Variants in CLVS1 observed in about 807,000 individuals in gnomAD.
CLVS1 encodes clavesin-1.
In CLVS1, 10 loss-of-function variants were observed where a neutral mutation model predicts 33.1. That is an observed-to-expected ratio of 0.30 (90% CI 0.19 to 0.51). CLVS1 has a LOEUF of 0.51. Ranked by LOEUF, CLVS1 falls within the 20% of genes least tolerant of loss-of-function variation. CLVS1 has a pLI of 0.97. For synonymous variants in CLVS1, 163 were observed against 166.1 expected, an observed-to-expected ratio of 0.98 and a Z score of 0.14; for missense variants, 343 against 433.4, an observed-to-expected ratio of 0.79 and a Z score of 1.85.
At chr8:61,487,554 T>A (rs1290949819) in intron 5 of CLVS1, among the ~76,000 whole-genome samples, 2 of 152,214 alleles carry the variant, frequency 1.3e-5, no homozygotes, top group Non-Finnish European at 2.9e-5. Context: ...TTTTGGGGAT[T>A]CACTTTTGCT....
chr8:61,269,153 C>T (rs1809377630), intron 2 of CLVS1, among the ~76,000 whole-genome samples: 1 of 148,784 alleles, frequency 6.7e-6, no homozygotes, highest in African/African-American at 2.5e-5. Flanking sequence ...GGTTTTAGGT[C>T]TAACGTTTAA....
At chr8:61,047,236 G>C in the CLVS1 span, among the ~76,000 whole-genome samples, 17 of 152,186 alleles carry the variant, frequency 1.1e-4, no homozygotes, top group Non-Finnish European at 1.5e-4. Context: ...TCAGAGAAAT[G>C]CAAATCAAAA....
intron 5 of CLVS1, among the ~76,000 whole-genome samples, chr8:61,476,037 C>G (rs1586028195): frequency 6.6e-6 from 1 of 152,186 alleles, no homozygotes; most frequent in South Asian, 2.1e-4. Flanking sequence ...TTCCCAGCAC[C>G]ATTTATTAAA....
chr8:61,316,592 A>G (rs1411616559), intron 2 of CLVS1, among the ~76,000 whole-genome samples: 1 of 152,254 alleles, frequency 6.6e-6, no homozygotes, highest in Non-Finnish European at 1.5e-5. Context: ...ATTCTCATAG[A>G]AGAAAATAAT....
chr8:61,165,151 C>A (rs1020269141), intron 2 of CLVS1, among the ~76,000 whole-genome samples: 1 of 152,214 alleles, frequency 6.6e-6, no homozygotes, highest in African/African-American at 2.4e-5. Context: ...TTAGCCCCAT[C>A]GGGAGTGGCA....
the CLVS1 span, among the ~76,000 whole-genome samples, chr8:60,981,761 G>C: frequency 1.3e-5 from 2 of 152,230 alleles, no homozygotes; most frequent in Non-Finnish European, 2.9e-5. Context: ...GCCAGGGTGG[G>C]TGTGGAGTCC....
rs934444832 is a variant in CLVS1 at position 61,246,201 on chromosome 8, C to T, written c.-151-53476C>T. 1.2e-4 allele frequency among the ~76,000 whole-genome samples: 6 copies of T among 50,330 alleles called. No homozygotes were observed. In the East Asian group the frequency reaches 2.3e-3, roughly 19 times the overall value. The allele number at this position is 50,330 out of a possible 152,430, so 33.0% of individuals were successfully genotyped here. On this transcript the variant is annotated intron_variant, in intron 2 of 2. Transcript: ENST00000522621. ...TTTTTTTTTTTTTTTTTTTTTGAGACGGAGTCTCACTCTGTCACCAGGCTG... is the reference window on the plus strand; with the variant it reads ...TTTTTTTTTTTTTTTTTTTTTGAGATGGAGTCTCACTCTGTCACCAGGCTG...
chr8:61,216,915 T>C (rs1048407806), intron 2 of CLVS1, among the ~76,000 whole-genome samples: 3 of 152,314 alleles, frequency 2.0e-5, no homozygotes, highest in East Asian at 3.9e-4. Context: ...TATACATATA[T>C]TTTCCTTCTG....
At chr8:60,975,934 G>T in the CLVS1 span, among the ~76,000 whole-genome samples, 1 of 152,202 alleles carries the variant, frequency 6.6e-6, no homozygotes, top group Non-Finnish European at 1.5e-5. Context: ...GGAGCCAAGA[G>T]CTAAGTGAAG....
chr8:61,176,492 C>G (rs910871975), intron 2 of CLVS1, among the ~76,000 whole-genome samples: 1 of 152,110 alleles, frequency 6.6e-6, no homozygotes, highest in Admixed American at 6.5e-5. Context: ...TAGCTACTAT[C>G]AAGTATGATT....
At chr8:61,422,063 C>A (rs2129604661) in intron 3 of CLVS1, among the ~76,000 whole-genome samples, 1 of 151,198 alleles carries the variant, frequency 6.6e-6, no homozygotes, top group Non-Finnish European at 1.5e-5. Context: ...GATTCTACCT[C>A]AGTTCTGAGT....
the CLVS1 span, among the ~76,000 whole-genome samples, chr8:61,020,756 A>T: frequency 2.0e-5 from 3 of 152,228 alleles, no homozygotes; most frequent in African/African-American, 4.8e-5. Flanking sequence ...GGTGTCTGTC[A>T]CATCAAAGGC....
At chr8:61,233,716 G>T (rs1808495055) in intron 2 of CLVS1, among the ~76,000 whole-genome samples, 1 of 152,174 alleles carries the variant, frequency 6.6e-6, no homozygotes, top group Non-Finnish European at 1.5e-5. Context: ...TGCCCTCCTG[G>T]CTGGGAAAAG....
At chr8:61,441,645 G>A (rs1378795671) in intron 3 of CLVS1, among the ~76,000 whole-genome samples, 1 of 152,130 alleles carries the variant, frequency 6.6e-6, no homozygotes, top group Non-Finnish European at 1.5e-5. Context: ...TCATTATCCA[G>A]CAGAAACTGA....
chr8:61,089,829 G>A (rs1721552810), intron 1 of CLVS1, among the ~76,000 whole-genome samples: 1 of 152,198 alleles, frequency 6.6e-6, no homozygotes, highest in African/African-American at 2.4e-5. Flanking sequence ...GGCTGAGGCA[G>A]GAGGGTTGCT....
At chr8:61,224,951 A>C (rs1487765936) in intron 2 of CLVS1, among the ~76,000 whole-genome samples, 3 of 152,230 alleles carry the variant, frequency 2.0e-5, no homozygotes, top group Non-Finnish European at 4.4e-5. Flanking sequence ...TGTAGCTTTT[A>C]GAGAAATAGA....
intron 2 of CLVS1, among the ~76,000 whole-genome samples, chr8:61,301,427 GTCT>G (rs1379269266): frequency 6.6e-6 from 1 of 152,168 alleles, no homozygotes; most frequent in Non-Finnish European, 1.5e-5. Flanking sequence ...GAGGAAGGTA[GTCT>G]TCTTCTACTT....
intron 2 of CLVS1, among the ~76,000 whole-genome samples, chr8:61,270,224 G>C (rs578169489): frequency 2.0e-5 from 3 of 152,240 alleles, no homozygotes. Flanking sequence ...TTAGCATGAA[G>C]GGTTGTTGAA....
intron 1 of CLVS1, among the ~76,000 whole-genome samples, chr8:61,128,159 G>A (rs1380558765): frequency 6.6e-6 from 1 of 152,212 alleles, no homozygotes; most frequent in East Asian, 1.9e-4. Context: ...ATGTGACCAT[G>A]TAAATCTAAT....
Sources: gnomAD v4.1 joint callset for allele counts (sites outside exome capture counted in the v4.1 genomes callset) on GRCh38, gnomAD v4.1.1 for gene constraint, MANE v1.5 for transcripts, NCBI Gene and HGNC (gene_info 2026-07-23, HGNC 2026-07-21) for gene names.